Variants in DPP10 observed in about 807,000 individuals in gnomAD.
DPP10 encodes dipeptidyl peptidase like 10, also known as inactive dipeptidyl peptidase 10.
In DPP10, 33 loss-of-function variants were observed where a neutral mutation model predicts 120.9. That is an observed-to-expected ratio of 0.27 (90% confidence interval 0.21 to 0.37). The LOEUF is 0.37. Ranked by LOEUF, DPP10 falls within the 10% of genes least tolerant of loss-of-function variation. The probability of loss-of-function intolerance (pLI) is 1.00; values close to 1 mark genes in which losing one functional copy is unlikely to be tolerated. For synonymous variants in DPP10, 337 were observed against 326.1 expected (o/e 1.03, Z -0.36); for missense variants, 816 against 942.8 (o/e 0.87, Z 1.76).
intron 1 of DPP10, among the ~76,000 whole-genome samples, chr2:115,122,813 A>T (rs1221087129): frequency 1.3e-5 from 2 of 152,152 alleles, no homozygotes; most frequent in Non-Finnish European, 2.9e-5. Flanking sequence ...CCTGTCCAAG[A>T]GGGCCATTAG....
chr2:114,832,299 C>T (rs1028373776), intron 1 of DPP10, among the ~76,000 whole-genome samples: 5 of 152,128 alleles, frequency 3.3e-5, no homozygotes, highest in African/African-American at 9.7e-5. Flanking sequence ...TTTTGGAGGC[C>T]GAGGCAGGTG....
intron 1 of DPP10, among the ~76,000 whole-genome samples, chr2:115,175,666 T>C (rs2105096092): frequency 6.6e-6 from 1 of 152,382 alleles, no homozygotes; most frequent in East Asian, 1.9e-4. Context: ...AGACCAGCGC[T>C]ATTCAATAGT....
rs1434166746 is a variant in DPP10 at position 114,823,837 on chromosome 2, T to G, written c.60+380999T>G. On this transcript the variant is annotated intron_variant, in intron 1 of 25. Transcript: ENST00000410059. ...AACCCATTCTCTCTGTTGTTCTCTG[T>G]TCTCTTACCAGTGTCCCCCATTAGC... Among the ~76,000 whole-genome samples, 7 of 152,214 alleles carry G rather than the reference T, an allele frequency of 4.6e-5. No individual in the cohort carries two copies. In the East Asian group the frequency reaches 1.2e-3, roughly 25 times the overall value.
intron 10 of DPP10, 49 bp downstream of exon 10, chr2:115,746,232 C>A (rs759475988): frequency 1.4e-6 from 2 of 1,454,286 alleles, no homozygotes; most frequent in Non-Finnish European, 1.9e-6. Flanking sequence ...ATTTTCACTC[C>A]AATTATCATT....
intron 5 of DPP10, among the ~76,000 whole-genome samples, chr2:115,646,661 CT>C (rs1275458612): frequency 6.6e-6 from 1 of 152,118 alleles, no homozygotes; most frequent in Non-Finnish European, 1.5e-5. Context: ...ATTCTTAGGA[CT>C]TTTGAGTGAA....
chr2:114,736,798 A>G (rs1677483164), intron 1 of DPP10, among the ~76,000 whole-genome samples: 2 of 152,190 alleles, frequency 1.3e-5, no homozygotes, highest in South Asian at 4.1e-4. Flanking sequence ...GATCACCTGG[A>G]TGTTTTGCAT....
chr2:114,897,383 C>T (rs1268624847), intron 1 of DPP10, among the ~76,000 whole-genome samples: 1 of 152,092 alleles, frequency 6.6e-6, no homozygotes, highest in Non-Finnish European at 1.5e-5. Context: ...TAGACTAAAA[C>T]CATAAAAACC....
intron 1 of DPP10, among the ~76,000 whole-genome samples, chr2:114,663,080 A>G (rs1443461387): frequency 6.6e-6 from 1 of 152,072 alleles, no homozygotes; most frequent in African/African-American, 2.4e-5. Context: ...GTACATATCC[A>G]TATATATGGT....
Position 115,301,506 on chromosome 2 carries a change from C to A in DPP10, c.61-7733C>A, listed in dbSNP as rs140671449. On this transcript the variant is annotated intron_variant, in intron 1 of 25. Transcript: ENST00000410059. ...TTTTTTTTAACTGCACTCACTGTTCCAAGGTGGCGCAAGCACAAGCAATAA... is the reference window on the plus strand; with the variant it reads ...TTTTTTTTAACTGCACTCACTGTTCAAAGGTGGCGCAAGCACAAGCAATAA... Among the ~76,000 whole-genome samples, 151 of 146,222 alleles carry A rather than the reference C, an allele frequency of 1.0e-3. 4 individuals carry two copies. Among genetic ancestry groups the A allele is most frequent in the African/African-American group, 3.6e-3 (142 of 39,406 alleles).
rs137979447 is a variant in DPP10, at chr2:115,454,072, G to A, written c.272-45438G>A. The stretch of plus-strand genomic sequence containing the variant: ...TGAATAAAACTATAAAATTGAATTA[G>A]CAATTTAATATCTTCTCTAAAATAA... On this transcript the variant is annotated intron_variant, in intron 3 of 25. Transcript: ENST00000410059. Among the ~76,000 whole-genome samples the A allele has an allele frequency of 4.3e-4, 65 of 151,668 alleles. No individual in the cohort carries two copies. The East Asian group carries it at 0.012, about 28-fold the overall frequency.
chr2:115,286,532 TA>T (rs2060406594), intron 1 of DPP10, among the ~76,000 whole-genome samples: 1 of 116,506 alleles, frequency 8.6e-6, no homozygotes, highest in Admixed American at 9.1e-5. Context: ...ATATAATATA[TA>T]TATATATAAA....
intron 5 of DPP10, among the ~76,000 whole-genome samples, chr2:115,657,578 C>T (rs1401700454): frequency 1.3e-5 from 2 of 151,666 alleles, no homozygotes; most frequent in African/African-American, 2.4e-5. Context: ...TTATGATCTT[C>T]TTCTAATGCT....
chr2:115,547,383 C>T (rs772336890), intron 5 of DPP10, among the ~76,000 whole-genome samples: 36 of 152,152 alleles, frequency 2.4e-4, no homozygotes, highest in Non-Finnish European at 4.1e-4. Context: ...TTCCGTGATA[C>T]GATGGCAGCT....
chr2:115,650,140 C>G (rs931897101), intron 5 of DPP10, among the ~76,000 whole-genome samples: 1 of 152,040 alleles, frequency 6.6e-6, no homozygotes, highest in South Asian at 2.1e-4. Flanking sequence ...GATGGCCTCA[C>G]TTTGAGAACA....
At chr2:115,588,785 T>A (rs1396999001) in intron 5 of DPP10, among the ~76,000 whole-genome samples, 1 of 152,202 alleles carries the variant, frequency 6.6e-6, no homozygotes. Flanking sequence ...AATGAATGAA[T>A]TAAAGAATGA....
intron 3 of DPP10, among the ~76,000 whole-genome samples, chr2:115,416,908 G>A (rs34796827): frequency 0.08 from 12,094 of 152,114 alleles, 534 homozygotes; most frequent in Middle Eastern, 0.13. Context: ...TGAGAAGACC[G>A]CTCAAGTCAA....
chr2:115,377,360 G>A (rs1473420158), intron 3 of DPP10, among the ~76,000 whole-genome samples: 4 of 152,172 alleles, frequency 2.6e-5, no homozygotes, highest in Non-Finnish European at 4.4e-5. Flanking sequence ...GTTTTGAGAA[G>A]TGTCTGTTCA....
chr2:114,469,341 C>G (rs1282668337), intron 1 of DPP10, among the ~76,000 whole-genome samples: 1 of 152,154 alleles, frequency 6.6e-6, no homozygotes, highest in Non-Finnish European at 1.5e-5. Context: ...TGTTCTCAAA[C>G]AAAAGTAATT....
chr2:115,319,687 A>G (rs1253650238), intron 2 of DPP10, among the ~76,000 whole-genome samples: 4 of 152,194 alleles, frequency 2.6e-5, no homozygotes, highest in Non-Finnish European at 2.9e-5. Context: ...GCAAAATACC[A>G]CAGACTGGGT....
Sources: gnomAD v4.1 joint callset for allele counts (sites outside exome capture counted in the v4.1 genomes callset) on GRCh38, gnomAD v4.1.1 for gene constraint, MANE v1.5 for transcripts, NCBI Gene and HGNC (gene_info 2026-07-23, HGNC 2026-07-21) for gene names.